NRG1: variants seen among roughly 807,000 people sequenced by gnomAD.
NRG1 encodes the protein neuregulin 1, also known as pro-neuregulin-1, membrane-bound isoform.
A neutral mutation model predicts 63.8 loss-of-function variants in NRG1; 18 were observed. That is an observed-to-expected ratio of 0.28 (90% CI 0.19 to 0.42). The LOEUF (loss-of-function observed/expected upper bound fraction) is 0.42, where lower values mean the gene tolerates loss of function less well. Among genes scored for constraint, NRG1 ranks in the 10% least tolerant of loss-of-function variants. The pLI is 1.00. For missense variants in NRG1, 762 were observed against 814.7 expected (o/e 0.94, Z 0.79); for synonymous variants, 302 against 301.3 (o/e 1.00, Z -0.02).
chr8:32,452,063 A>G (rs562773587), intron 1 of NRG1, among the ~76,000 whole-genome samples: 25 of 152,198 alleles, frequency 1.6e-4, no homozygotes, highest in African/African-American at 5.5e-4. Context: ...CCTGACCTCA[A>G]GTGATCTGCC....
At chr8:31,759,350 A>G (rs1163519689) in intron 1 of NRG1, among the ~76,000 whole-genome samples, 1 of 151,678 alleles carries the variant, frequency 6.6e-6, no homozygotes, top group Admixed American at 6.6e-5. Flanking sequence ...TTTTTCTTCT[A>G]GGATCTTCAG....
At chr8:32,153,220 G>C (rs975508803) in intron 1 of NRG1, among the ~76,000 whole-genome samples, 4 of 152,138 alleles carry the variant, frequency 2.6e-5, no homozygotes, top group African/African-American at 9.7e-5. Context: ...GTACAGGGGC[G>C]AGCTTCCAGC....
At chr8:32,488,920 G>A (rs1826217510) in intron 1 of NRG1, among the ~76,000 whole-genome samples, 1 of 152,112 alleles carries the variant, frequency 6.6e-6, no homozygotes, top group South Asian at 2.1e-4. Context: ...TCCCTCTTTA[G>A]GATAAAAACT....
chr8:32,437,324 G>C (rs1239822048), intron 1 of NRG1, among the ~76,000 whole-genome samples: 1 of 151,832 alleles, frequency 6.6e-6, no homozygotes, highest in African/African-American at 2.4e-5. Flanking sequence ...GTTTGTTTTT[G>C]TTTGTTTGTT....
At chr8:31,901,354 G>A (rs977904766) in intron 1 of NRG1, among the ~76,000 whole-genome samples, 11 of 152,056 alleles carry the variant, frequency 7.2e-5, no homozygotes, top group Non-Finnish European at 1.3e-4. Context: ...ACAATTTTAC[G>A]ACTGCATTGT....
At chr8:31,765,208 ATTAG>A (rs1817941923) in intron 1 of NRG1, among the ~76,000 whole-genome samples, 1 of 152,086 alleles carries the variant, frequency 6.6e-6, no homozygotes, top group African/African-American at 2.4e-5. Context: ...GAACTCACTT[ATTAG>A]TTCTATGCAC....
At chr8:32,083,229 G>T (rs978880527) in intron 1 of NRG1, among the ~76,000 whole-genome samples, 1 of 152,182 alleles carries the variant, frequency 6.6e-6, no homozygotes, top group African/African-American at 2.4e-5. Flanking sequence ...AATACCAGGT[G>T]ATGGTTAGGA....
In NRG1 at chr8:32,486,459, T is replaced by C. The variant is rs531717919; in HGVS notation, c.38-109369T>C. On this transcript the variant is annotated intron_variant, in intron 1 of 10. Coordinates refer to the NRG1 transcript ENST00000519301. ...CAGGAATATTAATCTGGAGAAGCCT[T>C]TGATAATAGAATATAGTCAAAGTTG... Among the ~76,000 whole-genome samples the C allele has an allele frequency of 8.0e-4, 122 of 152,248 alleles. 1 individual carries two copies. The highest frequency in any genetic ancestry group is 1.4e-3 in the Non-Finnish European group (96 of 68,014).
chr8:32,021,746 A>C (rs1418294538), intron 1 of NRG1, among the ~76,000 whole-genome samples: 3 of 152,196 alleles, frequency 2.0e-5, no homozygotes, highest in African/African-American at 7.2e-5. Context: ...AACTCAAATT[A>C]TTTTTACCTG....
intron 1 of NRG1, among the ~76,000 whole-genome samples, chr8:32,152,420 T>C (rs1164629363): frequency 6.6e-6 from 1 of 152,220 alleles, no homozygotes; most frequent in Non-Finnish European, 1.5e-5. Context: ...TTGAAAAAGA[T>C]TTAAAACCTT....
At chr8:32,175,794 C>G (rs1840656062) in intron 1 of NRG1, among the ~76,000 whole-genome samples, 1 of 152,118 alleles carries the variant, frequency 6.6e-6, no homozygotes, top group Admixed American at 6.5e-5. Context: ...AGGACCTCTT[C>G]AAGGAGAATT....
At chr8:31,827,648 G>A (rs546137397) in intron 1 of NRG1, among the ~76,000 whole-genome samples, 5 of 152,178 alleles carry the variant, frequency 3.3e-5, no homozygotes, top group African/African-American at 1.2e-4. Flanking sequence ...CAACACTTGG[G>A]TAGCTTTCCT....
intron 1 of NRG1, among the ~76,000 whole-genome samples, chr8:31,979,170 T>C (rs1808672616): frequency 6.6e-6 from 1 of 152,090 alleles, no homozygotes; most frequent in African/African-American, 2.4e-5. Context: ...TCTTTCCCTC[T>C]CCCATGCCCC....
intron 1 of NRG1, among the ~76,000 whole-genome samples, chr8:32,173,130 C>G (rs1276660242): frequency 1.3e-5 from 2 of 152,220 alleles, no homozygotes; most frequent in South Asian, 2.1e-4. Flanking sequence ...ATCAGACTAA[C>G]AGCTGATCCT....
chr8:32,554,849 T>A (rs1834807080), intron 1 of NRG1, among the ~76,000 whole-genome samples: 1 of 152,056 alleles, frequency 6.6e-6, no homozygotes, highest in Admixed American at 6.6e-5. Flanking sequence ...CCATGTCACC[T>A]TTTTCTGGCC....
chr8:32,225,293 A>G (rs959704084), intron 1 of NRG1, among the ~76,000 whole-genome samples: 1 of 152,216 alleles, frequency 6.6e-6, no homozygotes, highest in Non-Finnish European at 1.5e-5. Context: ...CCTCATGTCC[A>G]GATAGGATAT....
chr8:31,881,847 G>C (rs1337285428), intron 1 of NRG1, among the ~76,000 whole-genome samples: 1 of 152,162 alleles, frequency 6.6e-6, no homozygotes, highest in Non-Finnish European at 1.5e-5. Flanking sequence ...AGCTGCAGAA[G>C]AAAAGTTGGA....
chr8:32,176,651 T>A (rs1840767745), intron 1 of NRG1, among the ~76,000 whole-genome samples: 1 of 151,960 alleles, frequency 6.6e-6, no homozygotes. Flanking sequence ...AACAACCCCA[T>A]CAAAAAGTGG....
intron 1 of NRG1, among the ~76,000 whole-genome samples, chr8:31,648,937 T>C (rs1804570011): frequency 6.7e-6 from 1 of 149,790 alleles, no homozygotes; most frequent in Non-Finnish European, 1.5e-5. Flanking sequence ...AAACATATGG[T>C]AATTCTTTTT....
Sources: allele counts gnomAD v4.1 joint callset (sites outside exome capture counted in the v4.1 genomes callset), GRCh38; gene constraint gnomAD v4.1.1; transcripts MANE v1.5; gene names NCBI Gene and HGNC (gene_info 2026-07-23, HGNC 2026-07-21).